The following ZDHHC18 variants were observed in gnomAD, a reference collection of about 807,000 sequenced individuals.
The protein encoded by ZDHHC18 is palmitoyltransferase ZDHHC18.
Under a neutral mutation model 37.5 loss-of-function variants are expected in ZDHHC18, and 23 were observed. The observed-to-expected ratio is 0.61, with a 90% confidence interval of 0.44 to 0.87. The LOEUF (loss-of-function observed/expected upper bound fraction) is 0.87, where lower values mean the gene tolerates loss of function less well. ZDHHC18 is among the 40% of genes least tolerant of loss of function. The pLI is 0.00. For synonymous variants in ZDHHC18, 185 were observed against 218.7 expected (o/e 0.85, Z 1.36); for missense variants, 406 against 525.6 (o/e 0.77, Z 2.22).
At chr1:26,836,579 T>G (rs2081612870) in intron 2 of ZDHHC18, among the ~76,000 whole-genome samples, 2 of 150,244 alleles carry the variant, frequency 1.3e-5, no homozygotes, top group East Asian at 3.9e-4. Flanking sequence ...TTTCTTTTTT[T>G]TTTTTTTGAG....
intron 6 of ZDHHC18, among the ~76,000 whole-genome samples, chr1:26,851,944 C>T (rs934023762): frequency 6.6e-6 from 1 of 152,234 alleles, no homozygotes; most frequent in Non-Finnish European, 1.5e-5. Context: ...CCTCCAAACA[C>T]TAAAAAGTAA....
rs957719368 is a variant in ZDHHC18 at position 26,855,885 on chromosome 1, G to A, written c.*2042G>A. 2.5e-5 allele frequency: 5 copies of A among 202,552 alleles called. No individual in the cohort carries two copies. The highest frequency in any genetic ancestry group is 9.2e-5 in the African/African-American group (4 of 43,702). The allele number at this position is 202,552 out of a possible 1,614,324, so 12.5% of individuals were successfully genotyped here. A position where few individuals can be genotyped will look rare whatever the true frequency, so the allele number is the denominator to read the frequency against. On this transcript the variant is annotated 3_prime_UTR_variant, in exon 8 of 8. Coordinates refer to ENST00000374142, the MANE Select transcript of ZDHHC18 (RefSeq NM_032283.3). ...CCCTCACCTGGCTGGAGCTCTGTCC[G>A]CTGGAGGAAGAGCAGAGAGGGCTGC...
intron 2 of ZDHHC18, among the ~76,000 whole-genome samples, chr1:26,835,263 G>T (rs566292867): frequency 1.3e-5 from 2 of 152,254 alleles, no homozygotes; most frequent in Admixed American, 6.5e-5. Context: ...AATCAATCTT[G>T]TAGGGCGCTG....
intron 7 of ZDHHC18, 26 bp from the exon 8 acceptor site, chr1:26,853,700 C>T: frequency 1.9e-6 from 3 of 1,607,884 alleles, no homozygotes; most frequent in Middle Eastern, 3.3e-4. Context: ...GCAGAGCCCT[C>T]ATGTGTCTCC....
At chr1:26,832,677 G>C (rs2081593684) in intron 2 of ZDHHC18, 70 bp downstream of exon 2, 4 of 1,564,698 alleles carry the variant, frequency 2.6e-6, no homozygotes, top group Admixed American at 1.8e-5. Flanking sequence ...GAGGAGGCCT[G>C]GTTTTCTCTT....
Position 26,853,140 on chromosome 1 carries a change from C to T in ZDHHC18, c.1049+275C>T. ...CCGGGGGTAGCCACCATGACTGTTT[C>T]AGCCATGTTTGAATGACACTGCCCT... On this transcript the variant is annotated intron_variant, in intron 7 of 7. Transcript: ENST00000374142. 4 of 346,362 alleles carry T rather than the reference C, an allele frequency of 1.2e-5. No individual in the cohort carries two copies. The South Asian group carries it at 1.4e-4, about 12-fold the overall frequency. 21.5% of individuals were successfully genotyped at this position (346,362 alleles called of 1,614,324 possible).
intron 6 of ZDHHC18, among the ~76,000 whole-genome samples, chr1:26,851,541 T>C (rs2081704432): frequency 6.6e-6 from 1 of 152,242 alleles, no homozygotes; most frequent in South Asian, 2.1e-4. Flanking sequence ...CATGACCGCT[T>C]ACAGAATTCT....
chr1:26,850,710 A>G lies in ZDHHC18; in HGVS notation c.833+104A>G. 7.6e-7 allele frequency: 1 copy of G among 1,312,864 alleles called. No individual in the cohort carries two copies. Among genetic ancestry groups the G allele is most frequent in the Non-Finnish European group, 1.1e-6 (1 of 930,414 alleles). The allele number at this position is 1,312,864 out of a possible 1,614,324, so 81.3% of individuals were successfully genotyped here. A position where few individuals can be genotyped will look rare whatever the true frequency, so the allele number is the denominator to read the frequency against. On this transcript the variant is annotated intron_variant, in intron 5 of 7. Transcript: ENST00000374142. The surrounding 1 kb of genome is among the most constrained non-coding windows in gnomAD (Gnocchi z 6.1). ...ATCAGAAGGGAACAGCGTACAGCTC[A>G]CATGTGTCCTCCAGAATCCAACATG...
chr1:26,856,844 C>T lies in ZDHHC18; in HGVS notation c.*3001C>T, dbSNP rs2081737013. ...TTCTTTGCTGTCCTGCCGGGGATCT[C>T]CAGTGTGTGCGGGGGCTTAAGGACC... On this transcript the variant is annotated 3_prime_UTR_variant, in exon 8 of 8. Coordinates refer to ENST00000374142, the MANE Select transcript of ZDHHC18 (RefSeq NM_032283.3). This position sits in a 1 kb window ranked among gnomAD's most constrained non-coding sequence, Gnocchi z 5.2. 1.3e-5 allele frequency: 2 copies of T among 153,302 alleles called. No individual in the cohort carries two copies. Among genetic ancestry groups the T allele is most frequent in the South Asian group, 2.0e-4 (1 of 4,942 alleles). The allele number at this position is 153,302 out of a possible 1,614,324, so 9.5% of individuals were successfully genotyped here.
intron 2 of ZDHHC18, among the ~76,000 whole-genome samples, chr1:26,841,585 G>C (rs1423625091): frequency 6.6e-6 from 1 of 152,174 alleles, no homozygotes; most frequent in Admixed American, 6.5e-5. Flanking sequence ...AGCAGTGAGT[G>C]GGGAGCCAAA....
chr1:26,853,256 G>C lies in ZDHHC18; in HGVS notation c.1049+391G>C, dbSNP rs2081715788. Reference sequence around the variant, plus strand: ...ACTCAGCCCTGCTGGGTCACTCCCTGTTCATCCTGACACCAGGGGGCACCA... The same window carrying C: ...ACTCAGCCCTGCTGGGTCACTCCCTCTTCATCCTGACACCAGGGGGCACCA... On this transcript the variant is annotated intron_variant, in intron 7 of 7. Transcript: ENST00000374142. 9 of 248,834 alleles carry C rather than the reference G, an allele frequency of 3.6e-5. 1 individual carries two copies. The South Asian group carries it at 4.9e-4, about 14-fold the overall frequency. 15.4% of individuals were successfully genotyped at this position (248,834 alleles called of 1,614,324 possible). A position where few individuals can be genotyped will look rare whatever the true frequency, so the allele number is the denominator to read the frequency against.
intron 7 of ZDHHC18, 92 bp from the exon 8 acceptor site, chr1:26,853,634 T>G: frequency 1.6e-6 from 2 of 1,241,422 alleles, no homozygotes; most frequent in Non-Finnish European, 2.3e-6. Flanking sequence ...CCTGGGCCTT[T>G]CCTTGGCTGA....
At position 26,853,932 on chromosome 1, in the gene ZDHHC18, A is replaced by G. The variant is rs2081720312; in HGVS notation, c.*89A>G. On this transcript the variant is annotated 3_prime_UTR_variant, in exon 8 of 8. Coordinates refer to ENST00000374142, the MANE Select transcript of ZDHHC18 (RefSeq NM_032283.3). ...TCCCTATTCCATCCAAGGGAAGCAG[A>G]ACTGCCAAAGACTCAAGTCTTTTCA... 8.5e-7 allele frequency: 1 copy of G among 1,170,822 alleles called. No individual in the cohort carries two copies. 72.5% of individuals were successfully genotyped at this position (1,170,822 alleles called of 1,614,324 possible). A position where few individuals can be genotyped will look rare whatever the true frequency, so the allele number is the denominator to read the frequency against.
chr1:26,829,528 C>G (rs1408203127), intron 1 of ZDHHC18, among the ~76,000 whole-genome samples: 1 of 152,120 alleles, frequency 6.6e-6, no homozygotes, highest in Non-Finnish European at 1.5e-5. Flanking sequence ...CACAGCATAG[C>G]AAACCACTCC....
At chr1:26,846,209 T>TAC (rs2081663741) in intron 2 of ZDHHC18, among the ~76,000 whole-genome samples, 1 of 50,730 alleles carries the variant, frequency 2.0e-5, no homozygotes, top group African/African-American at 8.1e-5. Flanking sequence ...TATATACACG[T>TAC]ATATACATAT....
In ZDHHC18 at chr1:26,855,443, C is replaced by G. The variant is rs1486734584; in HGVS notation, c.*1600C>G. ...TCCACCATCCCCCTCCTTGGCCCTTCAAGTGGGCTGAAGCCCTTGGAAAGT... is the reference window on the plus strand; with the variant it reads ...TCCACCATCCCCCTCCTTGGCCCTTGAAGTGGGCTGAAGCCCTTGGAAAGT... On this transcript the variant is annotated 3_prime_UTR_variant, in exon 8 of 8. Coordinates refer to ENST00000374142, the MANE Select transcript of ZDHHC18 (RefSeq NM_032283.3). 1 of 152,710 alleles carries G rather than the reference C, an allele frequency of 6.5e-6. No individual in the cohort carries two copies. Among genetic ancestry groups the G allele is most frequent in the Non-Finnish European group, 1.5e-5 (1 of 68,092 alleles). The allele number at this position is 152,710 out of a possible 1,614,324, so 9.5% of individuals were successfully genotyped here. A position where few individuals can be genotyped will look rare whatever the true frequency, so the allele number is the denominator to read the frequency against.
intron 2 of ZDHHC18, 74 bp from the exon 3 acceptor site, chr1:26,848,534 A>G (rs1264748413): frequency 6.4e-7 from 1 of 1,556,724 alleles, no homozygotes; most frequent in African/African-American, 1.3e-5. Flanking sequence ...AGGCAGCAGT[A>G]GCTTTCCCCT....
Position 26,855,843 on chromosome 1 carries a change from T to A in ZDHHC18, c.*2000T>A, listed in dbSNP as rs1472312105. On this transcript the variant is annotated 3_prime_UTR_variant, in exon 8 of 8. Coordinates refer to ENST00000374142, the MANE Select transcript of ZDHHC18 (RefSeq NM_032283.3). ...GACTGTGAGAAGGCAGGCAGCCCAG[T>A]GATCTGGCTACATTTTCCCTCACCT... 5.8e-6 allele frequency: 1 copy of A among 173,262 alleles called. No individual in the cohort carries two copies. Among genetic ancestry groups the A allele is most frequent in the African/African-American group, 2.3e-5 (1 of 42,570 alleles). The allele number at this position is 173,262 out of a possible 1,614,324, so 10.7% of individuals were successfully genotyped here.
At chr1:26,846,233 G>GTGTGTATATAT (rs72027567) in intron 2 of ZDHHC18, among the ~76,000 whole-genome samples, 1 of 119,582 alleles carries the variant, frequency 8.4e-6, no homozygotes, top group Non-Finnish European at 1.8e-5. Context: ...TGTGTATATA[G>GTGTGTATATAT]AGAGAGAGAT....
Sources: gnomAD v4.1 joint callset for allele counts (sites outside exome capture counted in the v4.1 genomes callset) on GRCh38, gnomAD v4.1.1 for gene constraint, Gnocchi (gnomAD v3.1) non-coding constraint, MANE v1.5 for transcripts, NCBI Gene and HGNC (gene_info 2026-07-23, HGNC 2026-07-21) for gene names.